Variants in KLHL25 observed in about 807,000 individuals in gnomAD.
The protein encoded by KLHL25 is kelch-like protein 25.
A neutral mutation model predicts 30.0 loss-of-function variants in KLHL25; 41 were observed. That is an observed-to-expected ratio of 1.37 (90% CI 1.07 to 1.78). The LOEUF is 1.78. Ranked by LOEUF, KLHL25 falls within the 40% of genes most tolerant of loss-of-function variation. The pLI is 0.00. For synonymous variants in KLHL25, 399 were observed against 355.3 expected (o/e 1.12, Z -1.38); for missense variants, 971 against 824.5 (o/e 1.18, Z -2.18).
At position 85,769,667 on chromosome 15, in the gene KLHL25, G is replaced by A; in HGVS notation, c.144C>T (p.Val48=). 1 of 1,613,858 alleles carries A rather than the reference G, an allele frequency of 6.2e-7. No individual in the cohort carries two copies. The highest frequency in any genetic ancestry group is 8.5e-7 in the Non-Finnish European group (1 of 1,180,046). ...TLRKHCMFTD[V]TLWAGDRAFP... ...AGGCACGGTCGCCCGCCCAGAGTGT[G>A]ACGTCGGTGAACATGCAGTGCTTGC... is the stretch of plus-strand genomic sequence containing the variant. Residue 48 remains valine, a synonymous_variant, in exon 2 of 3, where the codon GTC becomes GTT. Transcript: ENST00000337975.
intron 2 of KLHL25, among the ~76,000 whole-genome samples, chr15:85,765,535 A>T (rs923851844): frequency 2.0e-5 from 3 of 151,734 alleles, no homozygotes; most frequent in African/African-American, 7.3e-5. Context: ...CTGAGGAAGG[A>T]GAATCGCTTG....
intron 1 of KLHL25, among the ~76,000 whole-genome samples, chr15:85,792,030 C>A (rs897974670): frequency 1.3e-5 from 2 of 152,204 alleles, no homozygotes; most frequent in Non-Finnish European, 2.9e-5. Flanking sequence ...CCAGAAGGAC[C>A]TGGAGGCAGT....
chr15:85,791,033 C>A (rs1209243453), intron 1 of KLHL25, among the ~76,000 whole-genome samples: 2 of 151,554 alleles, frequency 1.3e-5, no homozygotes, highest in Non-Finnish European at 2.9e-5. Flanking sequence ...AACCCTGTCT[C>A]TACTAAAAAT....
intron 1 of KLHL25, among the ~76,000 whole-genome samples, chr15:85,780,410 T>C (rs979500079): frequency 1.3e-5 from 2 of 152,210 alleles, no homozygotes; most frequent in Admixed American, 6.5e-5. Flanking sequence ...ATTCCCCCTC[T>C]ATGGCAGGAC....
intron 1 of KLHL25, among the ~76,000 whole-genome samples, chr15:85,775,003 A>T (rs2089700773): frequency 6.6e-6 from 1 of 150,952 alleles, no homozygotes; most frequent in African/African-American, 2.4e-5. Context: ...CAGCCTCCCG[A>T]GTAGCTGGGA....
chr15:85,791,525 A>T (rs1162503613), intron 1 of KLHL25, among the ~76,000 whole-genome samples: 3 of 152,152 alleles, frequency 2.0e-5, no homozygotes, highest in Non-Finnish European at 4.4e-5. Context: ...AGCCACACAC[A>T]TCTATCGTTT....
intron 1 of KLHL25, among the ~76,000 whole-genome samples, chr15:85,773,516 G>A (rs1173728524): frequency 6.6e-6 from 1 of 152,232 alleles, no homozygotes; most frequent in East Asian, 1.9e-4. Flanking sequence ...AGCTCAGCGG[G>A]TGGCATCCCG....
chr15:85,777,746 G>C (rs1208675711), intron 1 of KLHL25, among the ~76,000 whole-genome samples: 1 of 152,164 alleles, frequency 6.6e-6, no homozygotes, highest in Non-Finnish European at 1.5e-5. Context: ...ACCACGCTGG[G>C]CCCTACCCAG....
intron 1 of KLHL25, among the ~76,000 whole-genome samples, chr15:85,774,972 G>T (rs2089700605): frequency 6.6e-6 from 1 of 151,680 alleles, no homozygotes; most frequent in African/African-American, 2.4e-5. Flanking sequence ...CGACTCCCAG[G>T]TTCAAGCAAT....
At position 85,768,905 on chromosome 15, in the gene KLHL25, G is replaced by GC. The variant is rs1395234293; in HGVS notation, c.905dup (p.Gln303ProfsTer6). On this transcript the variant is annotated frameshift_variant, in exon 2 of 3. Coordinates refer to ENST00000337975, the MANE Select transcript of KLHL25 (RefSeq NM_022480.4). LOFTEE classifies it high-confidence loss of function. The stretch of plus-strand genomic sequence containing the variant: ...AGATCTTGTCACACATGAAGGTCTG[G>GC]CCCCCCAGGATGAGTAGCGTGTGGC... 4 of 1,613,194 alleles carry GC rather than the reference G, an allele frequency of 2.5e-6. No homozygotes were observed. The highest frequency in any genetic ancestry group is 2.2e-5 in the East Asian group (1 of 44,888).
intron 1 of KLHL25, among the ~76,000 whole-genome samples, chr15:85,792,590 C>G (rs2089824647): frequency 6.6e-6 from 1 of 152,140 alleles, no homozygotes; most frequent in Non-Finnish European, 1.5e-5. Context: ...CCTACAAATG[C>G]GCTGGACTGC....
rs1474384875 is a variant in KLHL25 at position 85,768,392 on chromosome 15, C to T, written c.1419G>A (p.Thr473=). 6.8e-6 allele frequency: 11 copies of T among 1,613,544 alleles called. No homozygotes were observed. The highest frequency in any genetic ancestry group is 6.7e-5 in the East Asian group (3 of 44,864). The change falls in exon 2 of 3, where the codon ACG becomes ACA. Residue 473 remains threonine (T), a synonymous_variant. Coordinates refer to ENST00000337975, the MANE Select transcript of KLHL25 (RefSeq NM_022480.4). ...QCYDPSENRW[T]IKAECPQPWR... is the part of the protein sequence containing the mutation. ...AAGGCTGGGGGCACTCGGCCTTGAT[C>T]GTCCACCTGTTCTCCGAGGGGTCAT...
chr15:85,766,254 GCTCATCTTC>G (rs2089624652), intron 2 of KLHL25, among the ~76,000 whole-genome samples: 1 of 152,228 alleles, frequency 6.6e-6, no homozygotes, highest in Non-Finnish European at 1.5e-5. Context: ...CGGCAGGACA[GCTCATCTTC>G]CACAGTCTCG....
rs902873267 is a variant in KLHL25, at chr15:85,759,753, G to C, written c.*1283C>G. ...CAGCCCCCTCCGCGGCCCTAATCTTGAGCCAGCCAAGCAGTGTTCACACTG... is the reference window on the plus strand; with the variant it reads ...CAGCCCCCTCCGCGGCCCTAATCTTCAGCCAGCCAAGCAGTGTTCACACTG... On this transcript the variant is annotated 3_prime_UTR_variant, in exon 3 of 3. Transcript: ENST00000337975. The C allele has an allele frequency of 6.6e-6, 1 of 152,292 alleles. No individual in the cohort carries two copies. Among genetic ancestry groups the C allele is most frequent in the Non-Finnish European group, 1.5e-5 (1 of 68,078 alleles). The allele number at this position is 152,292 out of a possible 1,614,324, so 9.4% of individuals were successfully genotyped here.
At chr15:85,772,699 G>A (rs1167676368) in intron 1 of KLHL25, among the ~76,000 whole-genome samples, 4 of 152,230 alleles carry the variant, frequency 2.6e-5, no homozygotes, top group Non-Finnish European at 5.9e-5. Flanking sequence ...CCAAAAAGCA[G>A]GGCAAATTGA....
At position 85,769,382 on chromosome 15, in the gene KLHL25, G is replaced by C. The variant is rs749201508; in HGVS notation, c.429C>G (p.Asn143Lys). 2.5e-6 allele frequency: 4 copies of C among 1,614,164 alleles called. No individual in the cohort carries two copies. The highest frequency in any genetic ancestry group is 4.5e-5 in the East Asian group (2 of 44,876). Reference protein sequence around the residue: ...RDAAAEFLEKNLFPSNCLGMM... With the variant: ...RDAAAEFLEKKLFPSNCLGMM... ...TGCCCAGGCAGTTGGAGGGGAAAAGGTTCTTCTCCAGGAACTCGGCGGCAG... is the reference window on the plus strand; with the variant it reads ...TGCCCAGGCAGTTGGAGGGGAAAAGCTTCTTCTCCAGGAACTCGGCGGCAG... The change falls in exon 2 of 3, where the codon AAC becomes AAG. Residue 143 changes from asparagine (N) to lysine (K), a missense_variant. By Grantham distance (94) the Asn-to-Lys change is moderately conservative (BLOSUM62 0). Coordinates refer to ENST00000337975, the MANE Select transcript of KLHL25 (RefSeq NM_022480.4).
chr15:85,777,636 C>A (rs1245745230), intron 1 of KLHL25, among the ~76,000 whole-genome samples: 1 of 152,210 alleles, frequency 6.6e-6, no homozygotes, highest in Non-Finnish European at 1.5e-5. Flanking sequence ...ACCGCAGAGT[C>A]CCAGGGTGAC....
In KLHL25 at chr15:85,789,300, G is replaced by A. The variant is rs887251221; in HGVS notation, c.-11+5466C>T. Among the ~76,000 whole-genome samples, 5 of 152,174 alleles carry A rather than the reference G, an allele frequency of 3.3e-5. No individual in the cohort carries two copies. Among genetic ancestry groups the A allele is most frequent in the Admixed American group, 1.3e-4 (2 of 15,282 alleles). On this transcript the variant is annotated intron_variant, in intron 1 of 2. Coordinates refer to ENST00000337975, the MANE Select transcript of KLHL25 (RefSeq NM_022480.4). This position sits in a 1 kb window ranked among gnomAD's most constrained non-coding sequence, Gnocchi z 4.1. The stretch of plus-strand genomic sequence containing the variant: ...GCGCTCCCATGGCCTGCTCAGCCCT[G>A]CTTCCCCGTGGGAGGAGCCATCCAA...
intron 1 of KLHL25, among the ~76,000 whole-genome samples, chr15:85,787,057 C>G (rs1333533036): frequency 6.6e-6 from 1 of 152,114 alleles, no homozygotes; most frequent in African/African-American, 2.4e-5. Context: ...AATCAAAGGA[C>G]AAAGCCTGAA....
Sources: allele counts gnomAD v4.1 joint callset (sites outside exome capture counted in the v4.1 genomes callset), GRCh38; gene constraint gnomAD v4.1.1; non-coding constraint Gnocchi (gnomAD v3.1); transcripts MANE v1.5; gene names NCBI Gene and HGNC (gene_info 2026-07-23, HGNC 2026-07-21).